The following FBXL18 variants were observed in gnomAD, a reference collection of about 807,000 sequenced individuals.
FBXL18 encodes the protein F-box and leucine rich repeat protein 18.
A neutral mutation model predicts 46.0 loss-of-function variants in FBXL18; 36 were observed. That is an observed-to-expected ratio of 0.78 (90% CI 0.60 to 1.03). The LOEUF (loss-of-function observed/expected upper bound fraction) is 1.03, where lower values mean the gene tolerates loss of function less well. Among genes scored for constraint, FBXL18 ranks in the 50% least tolerant of loss-of-function variants. FBXL18 has a pLI of 0.00. For missense variants in FBXL18, 977 were observed against 1,004.1 expected (o/e 0.97, Z 0.36); for synonymous variants, 557 against 465.3 (o/e 1.20, Z -2.54).
At chr7:5,512,564 C>A (rs556965321) in intron 1 of FBXL18, among the ~76,000 whole-genome samples, 1 of 152,206 alleles carries the variant, frequency 6.6e-6, no homozygotes, top group African/African-American at 2.4e-5. Flanking sequence ...CAGATCACAC[C>A]GCTGCACTAC....
At chr7:5,482,845 G>A (rs1193084734) in intron 4 of FBXL18, among the ~76,000 whole-genome samples, 1 of 152,058 alleles carries the variant, frequency 6.6e-6, no homozygotes, top group African/African-American at 2.4e-5. Flanking sequence ...AGAACAGCCT[G>A]GGCAACATAG....
intron 3 of FBXL18, among the ~76,000 whole-genome samples, chr7:5,494,302 G>A (rs1784015187): frequency 6.6e-6 from 1 of 151,864 alleles, no homozygotes; most frequent in Non-Finnish European, 1.5e-5. Flanking sequence ...AGCTGGGCGT[G>A]GCGGGGCATG....
chr7:5,497,376 C>A (rs1485977357), intron 3 of FBXL18, among the ~76,000 whole-genome samples: 2 of 152,170 alleles, frequency 1.3e-5, no homozygotes, highest in Non-Finnish European at 2.9e-5. Context: ...CGGAGCCTCG[C>A]AGTGGCTCGA....
At chr7:5,500,441 C>T (rs762424464) in intron 3 of FBXL18, 47 bp downstream of exon 3, 1 of 1,527,478 alleles carries the variant, frequency 6.5e-7, no homozygotes, top group Admixed American at 1.9e-5. Context: ...CCAGTTCCCT[C>T]CGCCAGCTTC....
Position 5,460,701 on chromosome 7 carries a change from C to A in FBXL18, c.2001-12858G>T, listed in dbSNP as rs377355808. On this transcript the variant is annotated intron_variant and NMD_transcript_variant, in intron 4 of 6. Coordinates refer to the FBXL18 transcript ENST00000415009. Reference sequence around the variant, plus strand: ...CTCCTGACCCCAAGCGATCTGCCCACCTCGGCCTCCCAAAGCCCTGGGATT... The same window carrying A: ...CTCCTGACCCCAAGCGATCTGCCCAACTCGGCCTCCCAAAGCCCTGGGATT... Among the ~76,000 whole-genome samples, 3 of 152,328 alleles carry A rather than the reference C, an allele frequency of 2.0e-5. No homozygotes were observed. The East Asian group carries it at 5.8e-4, about 29-fold the overall frequency.
chr7:5,471,512 G>A (rs978959415), downstream of FBXL18, among the ~76,000 whole-genome samples: 24 of 151,200 alleles, frequency 1.6e-4, no homozygotes, highest in African/African-American at 4.1e-4. Flanking sequence ...TCCTGACCTC[G>A]TGATCCGCCT....
In FBXL18 at chr7:5,481,541, C is replaced by T. The variant is rs1253159861; in HGVS notation, c.*234G>A. ...TGGTTCAGCCAGCCCCCCACATCGA[C>T]CGTCCCCCGAGCCCCCTCATGTCAC... On this transcript the variant is annotated 3_prime_UTR_variant, in exon 5 of 5. Coordinates refer to ENST00000382368, the MANE Select transcript of FBXL18 (RefSeq NM_024963.6). 2.1e-6 allele frequency: 1 copy of T among 475,310 alleles called. No individual in the cohort carries two copies. Among genetic ancestry groups the T allele is most frequent in the African/African-American group, 2.0e-5 (1 of 49,454 alleles). The allele number at this position is 475,310 out of a possible 1,614,324, so 29.4% of individuals were successfully genotyped here. A position where few individuals can be genotyped will look rare whatever the true frequency, so the allele number is the denominator to read the frequency against.
chr7:5,473,055 C>T (rs1320416246), downstream of FBXL18, among the ~76,000 whole-genome samples: 1 of 152,100 alleles, frequency 6.6e-6, no homozygotes, highest in African/African-American at 2.4e-5. Flanking sequence ...GTATCAGCCC[C>T]CACCCACTGC....
rs527738275 is a variant in FBXL18, at chr7:5,497,384, C to T, written c.1781+3104G>A. 1.8e-4 allele frequency among the ~76,000 whole-genome samples: 28 copies of T among 152,216 alleles called. No homozygotes were observed. The East Asian group carries it at 5.4e-3, about 29-fold the overall frequency. On this transcript the variant is annotated intron_variant, in intron 3 of 4. Coordinates refer to ENST00000382368, the MANE Select transcript of FBXL18 (RefSeq NM_024963.6). ...CCACGCACGGAGCCTCGCAGTGGCT[C>T]GAGCTGAGAATCAAAGCGGCCGATC...
intron 4 of FBXL18, among the ~76,000 whole-genome samples, chr7:5,467,839 T>C (rs1427351724): frequency 6.6e-6 from 1 of 152,158 alleles, no homozygotes; most frequent in Non-Finnish European, 1.5e-5. Context: ...GACTGACTCA[T>C]TGGAGACAAC....
chr7:5,466,906 A>G (rs984475022), intron 4 of FBXL18, among the ~76,000 whole-genome samples: 5 of 152,148 alleles, frequency 3.3e-5, no homozygotes, highest in African/African-American at 1.2e-4. Context: ...GTGGGGAACG[A>G]ATGCGCAACA....
intron 1 of FBXL18, among the ~76,000 whole-genome samples, chr7:5,511,907 C>T (rs752922038): frequency 6.6e-6 from 1 of 151,874 alleles, no homozygotes; most frequent in African/African-American, 2.4e-5. Flanking sequence ...CACAGTCACA[C>T]CTCATCTCTA....
rs554309898 is a variant in FBXL18, at chr7:5,489,724, AGCCGAGATCAC to A, written c.2000+1496_2000+1506del. On this transcript the variant is annotated intron_variant, in intron 4 of 4. Transcript: ENST00000382368. ...AACCCGGGAGGCAGAGCTTGCAGCG[AGCCGAGATCAC>A]GCCACTGCACTCCAGCCTGGGCGAC... 2.9e-3 allele frequency: 674 copies of A among 231,070 alleles called. 5 individuals are homozygous for A. The highest frequency in any genetic ancestry group is 0.015 in the African/African-American group (650 of 43,458). 14.3% of individuals were successfully genotyped at this position (231,070 alleles called of 1,614,324 possible).
In FBXL18 at chr7:5,484,448, C is replaced by T. The variant is rs574824515; in HGVS notation, c.2001-2517G>A. Among the ~76,000 whole-genome samples the T allele has an allele frequency of 6.0e-3, 815 of 135,096 alleles. 9 individuals are homozygous for T. The highest frequency in any genetic ancestry group is 0.027 in the Middle Eastern group (6 of 222). 88.6% of individuals were successfully genotyped at this position (135,096 alleles called of 152,430 possible). ...TTGCGCCACTGCACTCCAGCCTGGG[C>T]GACAGAGGGAGACTCTGTCTCAAAA... On this transcript the variant is annotated intron_variant, in intron 4 of 4. Transcript: ENST00000382368.
chr7:5,496,158 C>G lies in FBXL18; in HGVS notation c.1781+4330G>C, dbSNP rs1784075011. On this transcript the variant is annotated intron_variant, in intron 3 of 4. Coordinates refer to ENST00000382368, the MANE Select transcript of FBXL18 (RefSeq NM_024963.6). The surrounding 1 kb of genome is among the most constrained non-coding windows in gnomAD (Gnocchi z 4.8). ...TGTGACCTAGGCAAGTTCATGCACTCTCTGGGCCTTACTTTCTTCATCCAT... is the reference window on the plus strand; with the variant it reads ...TGTGACCTAGGCAAGTTCATGCACTGTCTGGGCCTTACTTTCTTCATCCAT... Among the ~76,000 whole-genome samples, 1 of 152,192 alleles carries G rather than the reference C, an allele frequency of 6.6e-6. No homozygotes were observed. The highest frequency in any genetic ancestry group is 6.5e-5 in the Admixed American group (1 of 15,278).
In FBXL18 at chr7:5,486,828, GAC is replaced by G. The variant is rs367551046; in HGVS notation, c.2000+4401_2000+4402del. Among the ~76,000 whole-genome samples, 69 of 152,340 alleles carry G rather than the reference GAC, an allele frequency of 4.5e-4. 1 individual carries two copies. The highest frequency in any genetic ancestry group is 1.6e-3 in the African/African-American group (65 of 41,574). ...GACACCGGCCGGCCCTGCAGGCTGA[GAC>G]ACAGAGAGACGGTTGAGACCCCAGG... is the stretch of plus-strand genomic sequence containing the variant. On this transcript the variant is annotated intron_variant, in intron 4 of 4. Transcript: ENST00000382368.
chr7:5,512,033 A>G (rs1784548191), intron 1 of FBXL18, among the ~76,000 whole-genome samples: 3 of 151,010 alleles, frequency 2.0e-5, no homozygotes, highest in African/African-American at 7.3e-5. Context: ...CAGGAGATTG[A>G]GACCATCCTG....
chr7:5,474,792 C>T (rs890627363), downstream of FBXL18, among the ~76,000 whole-genome samples: 1 of 150,904 alleles, frequency 6.6e-6, no homozygotes, highest in African/African-American at 2.4e-5. Flanking sequence ...ACTGCAAGCT[C>T]CGCCTCCCGG....
At chr7:5,463,746 T>TTA (rs1783299730) in intron 4 of FBXL18, among the ~76,000 whole-genome samples, 1 of 86,922 alleles carries the variant, frequency 1.2e-5, no homozygotes, top group South Asian at 3.8e-4. Flanking sequence ...TTTTTTTTTT[T>TTA]TTTTTTTTTT....
Sources: gnomAD v4.1 joint callset for allele counts (sites outside exome capture counted in the v4.1 genomes callset) on GRCh38, gnomAD v4.1.1 for gene constraint, Gnocchi (gnomAD v3.1) non-coding constraint, MANE v1.5 for transcripts, NCBI Gene and HGNC (gene_info 2026-07-23, HGNC 2026-07-21) for gene names.